The following MOV10L1 variants were observed in gnomAD, a reference collection of about 807,000 sequenced individuals.
MOV10L1 encodes Mov10 like RNA helicase 1, also known as RNA helicase Mov10l1.
In MOV10L1, 110 loss-of-function variants were observed where a neutral mutation model predicts 143.8. The observed-to-expected ratio is 0.76, with a 90% confidence interval of 0.66 to 0.90. The LOEUF (loss-of-function observed/expected upper bound fraction) is 0.90. MOV10L1 is among the 40% of genes least tolerant of loss of function. The probability of loss-of-function intolerance (pLI) is 0.00; values close to 1 mark genes in which losing one functional copy is unlikely to be tolerated. For synonymous variants in MOV10L1, 593 were observed against 581.1 expected, an observed-to-expected ratio of 1.02 and a Z score of -0.29; for missense variants, 1,406 against 1,526.8, an observed-to-expected ratio of 0.92 and a Z score of 1.32.
At chr22:50,124,660 G>A (rs1265437617) in intron 10 of MOV10L1, among the ~76,000 whole-genome samples, 1 of 152,180 alleles carries the variant, frequency 6.6e-6, no homozygotes, top group Non-Finnish European at 1.5e-5. Flanking sequence ...CCCCTCAATG[G>A]GTTTTGCAGG....
chr22:50,128,631 G>T, intron 13 of MOV10L1, 124 bp downstream of exon 13: 1 of 578,458 alleles, frequency 1.7e-6, no homozygotes. Context: ...TGCAACCTCC[G>T]CCTCCCAGGT....
intron 20 of MOV10L1, among the ~76,000 whole-genome samples, chr22:50,150,041 A>T (rs28478271): frequency 0.13 from 19,951 of 152,182 alleles, 1,586 homozygotes; most frequent in East Asian, 0.24. Context: ...GTGCTCCTGC[A>T]TCTGACCCAC....
At chr22:50,134,466 C>A in intron 14 of MOV10L1, 64 bp from the exon 15 acceptor site, 1 of 1,344,180 alleles carries the variant, frequency 7.4e-7, no homozygotes, top group Non-Finnish European at 1.1e-6. Context: ...CATAAACAAC[C>A]TCTATTAATA....
At chr22:50,160,623 G>A in intron 24 of MOV10L1, 65 bp from the exon 25 acceptor site, 1 of 1,537,518 alleles carries the variant, frequency 6.5e-7, no homozygotes, top group Non-Finnish European at 8.8e-7. Context: ...TATATATCAA[G>A]AGTTTCTCTT....
intron 8 of MOV10L1, among the ~76,000 whole-genome samples, chr22:50,116,300 A>G (rs1220214974): frequency 6.6e-6 from 1 of 151,888 alleles, no homozygotes; most frequent in Non-Finnish European, 1.5e-5. Context: ...AAAAAAAATT[A>G]GCTGGGCGTG....
chr22:50,148,078 T>A (rs1367747553), intron 19 of MOV10L1, among the ~76,000 whole-genome samples: 1 of 152,082 alleles, frequency 6.6e-6, no homozygotes, highest in Non-Finnish European at 1.5e-5. Flanking sequence ...GCATCTAGGG[T>A]TGGAGAGGGG....
intron 22 of MOV10L1, among the ~76,000 whole-genome samples, chr22:50,155,412 C>T (rs1267830069): frequency 2.6e-5 from 4 of 151,986 alleles, no homozygotes. Flanking sequence ...AGGCGCCTGC[C>T]ACCACGTCCA....
intron 2 of MOV10L1, among the ~76,000 whole-genome samples, chr22:50,092,592 T>A (rs924572782): frequency 1.1e-4 from 17 of 152,248 alleles, no homozygotes; most frequent in Non-Finnish European, 1.9e-4. Context: ...GAGTTATGAT[T>A]GCACTACCAC....
intron 3 of MOV10L1, among the ~76,000 whole-genome samples, chr22:50,107,782 C>T (rs1239704638): frequency 6.6e-6 from 1 of 152,122 alleles, no homozygotes; most frequent in Admixed American, 6.5e-5. Context: ...TCCCGAACAC[C>T]GTGTGTGTGT....
rs1411387612 is a variant in MOV10L1 at position 50,114,631 on chromosome 22, C to T, written c.1126+9C>T. 6.8e-6 allele frequency: 11 copies of T among 1,612,404 alleles called. No homozygotes were observed. Among genetic ancestry groups the T allele is most frequent in the Admixed American group, 5.0e-5 (3 of 59,884 alleles). ...CAGAGGAATCTCTCCAGGTAGTGGA[C>T]GTTTCGGCTGTCACTGCGTGAGGTC... On this transcript the variant is annotated intron_variant, in intron 7 of 26. Transcript: ENST00000262794.
chr22:50,092,176 A>G lies in MOV10L1; in HGVS notation c.273A>G (p.Lys91=). The G allele has an allele frequency of 6.2e-7, 1 of 1,613,854 alleles. No homozygotes were observed. The highest frequency in any genetic ancestry group is 1.1e-5 in the South Asian group (1 of 91,026). The change falls in exon 2 of 27, where the codon AAA becomes AAG. Residue 91 remains lysine, a synonymous_variant. Transcript: ENST00000262794. ...AAAATAAAGTGTCCAATGGACTGAA[A>G]GCAATCAGGGTAAGGTTTGAGTTCA... ...VEENKVSNGL[K]AIRVEAVSDK...
chr22:50,114,578 A>T lies in MOV10L1; in HGVS notation c.1082A>T (p.Gln361Leu), dbSNP rs1227910042. 1 of 1,614,190 alleles carries T rather than the reference A, an allele frequency of 6.2e-7. No homozygotes were observed. The highest frequency in any genetic ancestry group is 1.1e-5 in the South Asian group (1 of 91,084). The change falls in exon 7 of 27, where the codon CAG becomes CTG. Residue 361 changes from glutamine (Q) to leucine (L), a missense_variant. Coordinates refer to ENST00000262794, the MANE Select transcript of MOV10L1 (RefSeq NM_018995.3). ...AGCCACACAAAAAACAAAACCTCTC[A>T]GATGTCGGAGAGCAGTTTGGTGAAC... The part of the protein sequence containing the change: ...LNSHTKNKTS[Q>L]MSESSLVNNR...
Position 50,143,241 on chromosome 22 carries a change from G to T in MOV10L1, c.2358+20G>T. 1 of 1,612,374 alleles carries T rather than the reference G, an allele frequency of 6.2e-7. No individual in the cohort carries two copies. Among genetic ancestry groups the T allele is most frequent in the South Asian group, 1.1e-5 (1 of 90,950 alleles). ...TTACAGGTAAGGACAGCGGCGCCGC[G>T]GGTGCTGTGGCTCTGTGCTGCTGTT... On this transcript the variant is annotated intron_variant, in intron 17 of 26. Transcript: ENST00000262794.
chr22:50,149,382 GAA>G (rs1459353711), intron 19 of MOV10L1: 10 of 540,822 alleles, frequency 1.8e-5, no homozygotes, highest in Non-Finnish European at 3.3e-5. Flanking sequence ...CACATCTCTA[GAA>G]ATACAGACGC....
chr22:50,158,234 C>T lies in MOV10L1; in HGVS notation c.3216+28C>T, dbSNP rs1216241684. 1.2e-6 allele frequency: 2 copies of T among 1,613,318 alleles called. No individual in the cohort carries two copies. Among genetic ancestry groups the T allele is most frequent in the Non-Finnish European group, 1.7e-6 (2 of 1,179,760 alleles). ...ACGCCCTGCCCAGGCACGCCTGGTT[C>T]TGTGAGGTCCCTGCAGCCCTGCTCC... On this transcript the variant is annotated intron_variant, in intron 23 of 26. Transcript: ENST00000262794. This position sits in a 1 kb window ranked among gnomAD's most constrained non-coding sequence, Gnocchi z 5.0.
At chr22:50,151,643 G>C (rs1298928145) in intron 21 of MOV10L1, among the ~76,000 whole-genome samples, 1 of 152,218 alleles carries the variant, frequency 6.6e-6, no homozygotes, top group Non-Finnish European at 1.5e-5. Context: ...GCAGCTGCTG[G>C]GCCCAGAGGG....
In MOV10L1 at chr22:50,120,532, T is replaced by C; in HGVS notation, c.1485T>C (p.Leu495=). ...RNSRRQLPSF[L]PQYPIPDRLR... The stretch of plus-strand genomic sequence containing the variant: ...CAAGACGACAACTTCCAAGTTTTCT[T>C]CCCCAATATCCAATCCCAGATAGAC... The change falls in exon 10 of 27, where the codon CTT becomes CTC. Residue 495 remains leucine, a synonymous_variant. Coordinates refer to ENST00000262794, the MANE Select transcript of MOV10L1 (RefSeq NM_018995.3). 2.5e-6 allele frequency: 4 copies of C among 1,611,732 alleles called. No individual in the cohort carries two copies. The highest frequency in any genetic ancestry group is 3.4e-6 in the Non-Finnish European group (4 of 1,179,172).
At chr22:50,121,165 G>A (rs1602223109) in intron 10 of MOV10L1, among the ~76,000 whole-genome samples, 4 of 152,184 alleles carry the variant, frequency 2.6e-5, no homozygotes, top group Admixed American at 2.6e-4. Context: ...TTCTGTAGGG[G>A]TTTGAGGTGT....
chr22:50,159,409 G>A lies in MOV10L1; in HGVS notation c.3217-269G>A, dbSNP rs765909806. Among the ~76,000 whole-genome samples the A allele has an allele frequency of 6.6e-6, 1 of 152,074 alleles. No homozygotes were observed. The highest frequency in any genetic ancestry group is 2.4e-5 in the African/African-American group (1 of 41,404). Reference sequence around the variant, plus strand: ...AAGGTCAGGAGTTCAAGACCAGCCTGGCCAATATGGTGAAACCCTCTCTCT... The same window carrying A: ...AAGGTCAGGAGTTCAAGACCAGCCTAGCCAATATGGTGAAACCCTCTCTCT... On this transcript the variant is annotated intron_variant, in intron 23 of 26. Coordinates refer to ENST00000262794, the MANE Select transcript of MOV10L1 (RefSeq NM_018995.3). The surrounding 1 kb of genome is among the most constrained non-coding windows in gnomAD (Gnocchi z 4.1).
Sources: gnomAD v4.1 joint callset for allele counts (sites outside exome capture counted in the v4.1 genomes callset) on GRCh38, gnomAD v4.1.1 for gene constraint, Gnocchi (gnomAD v3.1) non-coding constraint, MANE v1.5 for transcripts, NCBI Gene and HGNC (gene_info 2026-07-23, HGNC 2026-07-21) for gene names.